Variants in ANKS1B observed in about 807,000 individuals in gnomAD.
The protein encoded by ANKS1B is ankyrin repeat and sterile alpha motif domain-containing protein 1B.
In ANKS1B, 36 loss-of-function variants were observed where a neutral mutation model predicts 148.3. The ratio of observed to expected loss-of-function variants is 0.24; its 90% CI spans 0.19 to 0.32. ANKS1B has a LOEUF of 0.32. Ranked by LOEUF, ANKS1B falls within the 10% of genes least tolerant of loss-of-function variation. The pLI is 1.00. For synonymous variants in ANKS1B, 542 were observed against 560.8 expected (o/e 0.97, Z 0.47); for missense variants, 1,157 against 1,542.6 (o/e 0.75, Z 4.19).
intron 1 of ANKS1B, among the ~76,000 whole-genome samples, chr12:99,860,341 C>G (rs575816486): frequency 6.6e-6 from 1 of 152,276 alleles, no homozygotes; most frequent in South Asian, 2.1e-4. Context: ...ACAGGCCATA[C>G]AGAGGGAAGA....
At chr12:99,403,152 C>CTTTTTTTTTTTTTTTTT (rs143800860) in intron 11 of ANKS1B, among the ~76,000 whole-genome samples, 3 of 73,152 alleles carry the variant, frequency 4.1e-5, no homozygotes, top group Middle Eastern at 8.9e-3. Context: ...ACTTTTCTTT[C>CTTTTTTTTTTTTTTTTT]TTTTTTTTTT....
chr12:99,823,903 G>A (rs2082830273), intron 2 of ANKS1B, among the ~76,000 whole-genome samples: 1 of 152,120 alleles, frequency 6.6e-6, no homozygotes, highest in Non-Finnish European at 1.5e-5. Context: ...GGCTATAGGT[G>A]TATGGCTTTA....
chr12:99,887,556 C>A (rs2092893379), intron 1 of ANKS1B, among the ~76,000 whole-genome samples: 1 of 152,100 alleles, frequency 6.6e-6, no homozygotes, highest in Non-Finnish European at 1.5e-5. Context: ...CATGTGGAGG[C>A]AAACATTTAG....
At chr12:99,690,850 C>T (rs1246770898) in intron 8 of ANKS1B, among the ~76,000 whole-genome samples, 1 of 152,196 alleles carries the variant, frequency 6.6e-6, no homozygotes, top group Admixed American at 6.5e-5. Flanking sequence ...AGGCACTGCC[C>T]CAGTGGGAAC....
chr12:99,594,909 A>G (rs543872099), intron 9 of ANKS1B, among the ~76,000 whole-genome samples: 2 of 152,146 alleles, frequency 1.3e-5, no homozygotes, highest in Middle Eastern at 3.4e-3. Context: ...GGTTCATAGA[A>G]CTGGCCTAAA....
At chr12:99,050,913 T>C (rs2099965612) in intron 17 of ANKS1B, among the ~76,000 whole-genome samples, 1 of 151,758 alleles carries the variant, frequency 6.6e-6, no homozygotes, top group Admixed American at 6.6e-5. Context: ...TTAGCCAGGA[T>C]GGTCTGATCT....
chr12:99,593,991 A>G (rs1567432771), intron 9 of ANKS1B, among the ~76,000 whole-genome samples: 2 of 151,996 alleles, frequency 1.3e-5, no homozygotes, highest in Non-Finnish European at 2.9e-5. Context: ...AGAGCAGCAA[A>G]GCACACAGTC....
At chr12:98,981,415 A>G (rs2036533056) in intron 17 of ANKS1B, among the ~76,000 whole-genome samples, 1 of 152,056 alleles carries the variant, frequency 6.6e-6, no homozygotes, top group East Asian at 1.9e-4. Context: ...AGCTCACTGC[A>G]ACATCCGCCT....
intron 11 of ANKS1B, among the ~76,000 whole-genome samples, chr12:99,429,685 C>A (rs1187808748): frequency 6.6e-6 from 1 of 152,158 alleles, no homozygotes; most frequent in African/African-American, 2.4e-5. Context: ...AACATGGGGC[C>A]GGGCGCGGTG....
chr12:99,578,030 G>A (rs1046620343), intron 9 of ANKS1B, among the ~76,000 whole-genome samples: 1 of 152,050 alleles, frequency 6.6e-6, no homozygotes, highest in Non-Finnish European at 1.5e-5. Context: ...CCCCAATCAA[G>A]TAGGCTTCAT....
intron 9 of ANKS1B, among the ~76,000 whole-genome samples, chr12:99,515,875 T>A (rs1253810760): frequency 6.6e-6 from 1 of 152,160 alleles, no homozygotes; most frequent in Non-Finnish European, 1.5e-5. Context: ...TGAAATGATA[T>A]CTCATTGTAG....
intron 25 of ANKS1B, among the ~76,000 whole-genome samples, chr12:98,760,366 A>G (rs1418814915): frequency 6.6e-6 from 1 of 152,066 alleles, no homozygotes. Context: ...CCAGGCTCAC[A>G]TGATCCTCTC....
chr12:99,846,476 T>G (rs948914630), intron 1 of ANKS1B, among the ~76,000 whole-genome samples: 26 of 152,270 alleles, frequency 1.7e-4, no homozygotes, highest in African/African-American at 5.5e-4. Context: ...CTTTTCCCAC[T>G]TTTAACCCAA....
intron 12 of ANKS1B, among the ~76,000 whole-genome samples, chr12:99,369,841 G>T (rs2093019354): frequency 7.0e-6 from 1 of 143,128 alleles, no homozygotes; most frequent in African/African-American, 2.6e-5. Flanking sequence ...TAGACAGACA[G>T]ACAGAGACAG....
At chr12:99,810,330 T>G (rs1466378002) in intron 3 of ANKS1B, among the ~76,000 whole-genome samples, 3 of 152,026 alleles carry the variant, frequency 2.0e-5, no homozygotes, top group Non-Finnish European at 4.4e-5. Flanking sequence ...TAATTACCAT[T>G]TTTATTTCCT....
At chr12:99,914,745 T>C (rs1238770152) in intron 1 of ANKS1B, among the ~76,000 whole-genome samples, 1 of 151,944 alleles carries the variant, frequency 6.6e-6, no homozygotes, top group Non-Finnish European at 1.5e-5. Flanking sequence ...ATGAGACCAC[T>C]AAACACTCAA....
chr12:99,639,647 G>A (rs555239499), intron 9 of ANKS1B, among the ~76,000 whole-genome samples: 6 of 152,216 alleles, frequency 3.9e-5, no homozygotes, highest in East Asian at 1.9e-4. Context: ...GAGTTCTCAC[G>A]AGATCTGATG....
At chr12:99,250,304 A>C (rs2074413336) in intron 12 of ANKS1B, among the ~76,000 whole-genome samples, 1 of 152,216 alleles carries the variant, frequency 6.6e-6, no homozygotes, top group Admixed American at 6.5e-5. Flanking sequence ...TATGGGCTCT[A>C]CGATTGTTAG....
rs76692035 is a variant in ANKS1B at position 99,613,244 on chromosome 12, C to T, written c.1272+41823G>A. On this transcript the variant is annotated intron_variant, in intron 9 of 26. Transcript: ENST00000683438. ...GGAGAAAAAGAAATGCTTATACCAACGCTGTTAGTAGCAGTGTAAATTAGT... is the reference window on the plus strand; with the variant it reads ...GGAGAAAAAGAAATGCTTATACCAATGCTGTTAGTAGCAGTGTAAATTAGT... 3.9e-3 allele frequency among the ~76,000 whole-genome samples: 598 copies of T among 152,214 alleles called. 4 individuals are homozygous for T. The highest frequency in any genetic ancestry group is 0.013 in the African/African-American group (522 of 41,564).
Sources: allele counts gnomAD v4.1 joint callset (sites outside exome capture counted in the v4.1 genomes callset), GRCh38; gene constraint gnomAD v4.1.1; transcripts MANE v1.5; gene names NCBI Gene and HGNC (gene_info 2026-07-23, HGNC 2026-07-21).